Variants in ATG14 observed in about 807,000 individuals in gnomAD.
ATG14 encodes the protein beclin 1-associated autophagy-related key regulator.
In ATG14, 35 loss-of-function variants were observed where a neutral mutation model predicts 60.4. The ratio of observed to expected loss-of-function variants is 0.58; its 90% confidence interval spans 0.44 to 0.77. The LOEUF is 0.77. ATG14 is among the 30% of genes least tolerant of loss of function. The pLI, the probability that ATG14 is intolerant of heterozygous loss-of-function variation, is 0.00. For synonymous variants in ATG14, 234 were observed against 228.8 expected (o/e 1.02, Z -0.21); for missense variants, 647 against 626.3 (o/e 1.03, Z -0.35).
chr14:55,400,749 A>C (rs1417244927), intron 1 of ATG14, among the ~76,000 whole-genome samples: 2 of 151,962 alleles, frequency 1.3e-5, no homozygotes, highest in African/African-American at 2.4e-5. Flanking sequence ...CTAAAAATAC[A>C]AAAAATTAGC....
intron 9 of ATG14, among the ~76,000 whole-genome samples, chr14:55,377,123 G>A (rs1012591649): frequency 1.2e-4 from 19 of 152,300 alleles, no homozygotes; most frequent in African/African-American, 4.3e-4. Flanking sequence ...GAAGCGGGTG[G>A]ATCACCAGAG....
intron 6 of ATG14, among the ~76,000 whole-genome samples, chr14:55,381,617 A>G (rs1885035058): frequency 6.6e-6 from 1 of 152,256 alleles, no homozygotes; most frequent in African/African-American, 2.4e-5. Flanking sequence ...GAATCTTGAA[A>G]ACATTACGCT....
chr14:55,410,403 A>G (rs1432860520), intron 1 of ATG14, among the ~76,000 whole-genome samples: 1 of 152,204 alleles, frequency 6.6e-6, no homozygotes. Context: ...AGACATTTCC[A>G]TCTCATACCC....
Position 55,394,859 on chromosome 14 carries a change from C to A in ATG14, c.327+1081G>T, listed in dbSNP as rs959015492. 31 of 337,978 alleles carry A rather than the reference C, an allele frequency of 9.2e-5. 1 individual carries two copies. The highest frequency in any genetic ancestry group is 3.5e-4 in the African/African-American group (16 of 45,896). The allele number at this position is 337,978 out of a possible 1,614,324, so 20.9% of individuals were successfully genotyped here. On this transcript the variant is annotated intron_variant, in intron 3 of 9. Coordinates refer to ENST00000247178, the MANE Select transcript of ATG14 (RefSeq NM_014924.5). ...CAACTACGGAATGCTAAGCTGACAC[C>A]CAAGACAGTAAAAGCCTCCCACTAC...
intron 3 of ATG14, among the ~76,000 whole-genome samples, chr14:55,393,290 C>T (rs1432580870): frequency 6.6e-6 from 1 of 151,748 alleles, no homozygotes; most frequent in African/African-American, 2.4e-5. Context: ...GAGGCTGAGG[C>T]AGGAGAATGG....
At chr14:55,392,745 A>G (rs1566582678) in intron 3 of ATG14, among the ~76,000 whole-genome samples, 1 of 152,290 alleles carries the variant, frequency 6.6e-6, no homozygotes, top group East Asian at 1.9e-4. Flanking sequence ...AGCTTAAAAC[A>G]ATGCTCAAAT....
chr14:55,395,590 A>AGATG (rs1885300913), intron 3 of ATG14, among the ~76,000 whole-genome samples: 1 of 152,254 alleles, frequency 6.6e-6, no homozygotes, highest in African/African-American at 2.4e-5. Flanking sequence ...CCCCACTCCA[A>AGATG]GATTATGTAA....
chr14:55,394,681 C>G (rs1885283431), intron 3 of ATG14, among the ~76,000 whole-genome samples: 1 of 152,184 alleles, frequency 6.6e-6, no homozygotes, highest in African/African-American at 2.4e-5. Context: ...GGAGAGCCAT[C>G]ATCAAGGAGC....
Position 55,411,761 on chromosome 14 carries a change from G to A in ATG14, c.62C>T (p.Pro21Leu). The change falls in exon 1 of 10, where the codon CCG becomes CTG. Residue 21 changes from proline to leucine, a missense_variant. Physicochemically the swap from Pro to Leu is moderately conservative, Grantham distance 98. Coordinates refer to ENST00000247178, the MANE Select transcript of ATG14 (RefSeq NM_014924.5). The stretch of plus-strand genomic sequence containing the variant: ...GGAGTCCACCAGGTCCCGGGCGAGC[G>A]GCCGGGGCCCGCAGCCAGGAGCCTC... ...ALEAPGCGPRPLARDLVDSVD... is the reference protein window; with the variant it reads ...ALEAPGCGPRLLARDLVDSVD... The A allele has an allele frequency of 6.2e-7, 1 of 1,606,898 alleles. No homozygotes were observed. The highest frequency in any genetic ancestry group is 8.5e-7 in the Non-Finnish European group (1 of 1,177,264).
At chr14:55,409,629 C>A (rs983935439) in intron 1 of ATG14, among the ~76,000 whole-genome samples, 2 of 151,770 alleles carry the variant, frequency 1.3e-5, no homozygotes, top group East Asian at 3.9e-4. Flanking sequence ...GTCTAAATAC[C>A]ACTGCGAAGG....
intron 1 of ATG14, among the ~76,000 whole-genome samples, chr14:55,408,559 C>T (rs1885524094): frequency 6.6e-6 from 1 of 152,144 alleles, no homozygotes; most frequent in Non-Finnish European, 1.5e-5. Flanking sequence ...ACTGCTCAGC[C>T]CACAGGTTCG....
At chr14:55,374,107 T>G (rs1884874702) in intron 9 of ATG14, among the ~76,000 whole-genome samples, 1 of 152,258 alleles carries the variant, frequency 6.6e-6, no homozygotes. Context: ...CTTTTTTCCC[T>G]CAACTACCAG....
intron 9 of ATG14, among the ~76,000 whole-genome samples, chr14:55,375,490 A>AATTTT (rs1555341540): frequency 1.6e-3 from 192 of 117,772 alleles, no homozygotes; most frequent in Non-Finnish European, 2.1e-3. Context: ...GCCGGGCTAA[A>AATTTT]TTTTTTTTTT....
At chr14:55,385,544 C>G (rs537879381) in intron 5 of ATG14, among the ~76,000 whole-genome samples, 2 of 152,172 alleles carry the variant, frequency 1.3e-5, no homozygotes, top group African/African-American at 2.4e-5. Flanking sequence ...TCGCCTGCCT[C>G]GGCCTCCCAA....
chr14:55,397,096 T>C (rs1885325647), intron 2 of ATG14, among the ~76,000 whole-genome samples: 1 of 152,212 alleles, frequency 6.6e-6, no homozygotes, highest in African/African-American at 2.4e-5. Context: ...TCATGCTGAC[T>C]GTCCTGGACC....
chr14:55,393,156 C>A (rs7143817), intron 3 of ATG14, among the ~76,000 whole-genome samples: 5 of 151,978 alleles, frequency 3.3e-5, no homozygotes, highest in Admixed American at 2.6e-4. Flanking sequence ...CCAAGGTGGG[C>A]GGATCACGAG....
At chr14:55,372,108 T>A (rs76997592) in intron 9 of ATG14, among the ~76,000 whole-genome samples, 1 of 152,180 alleles carries the variant, frequency 6.6e-6, no homozygotes, top group South Asian at 2.1e-4. Context: ...TATCCTCTGG[T>A]TACTAAACCC....
At chr14:55,407,946 G>A (rs956776674) in intron 1 of ATG14, among the ~76,000 whole-genome samples, 17 of 152,096 alleles carry the variant, frequency 1.1e-4, no homozygotes, top group Non-Finnish European at 1.6e-4. Flanking sequence ...AAGCCCCATT[G>A]GTGGAAGTTT....
rs75291779 is a variant in ATG14 at position 55,368,110 on chromosome 14, T to TAAA, written c.*1506_*1508dup. On this transcript the variant is annotated 3_prime_UTR_variant, in exon 10 of 10. Coordinates refer to ENST00000247178, the MANE Select transcript of ATG14 (RefSeq NM_014924.5). The stretch of plus-strand genomic sequence containing the variant: ...AGGATTTTTTTGCAGTTATTAAAAA[T>TAAA]AAACTACTTACATATTTGTACATAA... The TAAA allele has an allele frequency of 0.36, 54,851 of 152,390 alleles. 10,476 individuals are homozygous for TAAA. The highest frequency in any genetic ancestry group is 0.42 in the Non-Finnish European group (28,260 of 67,912). 9.4% of individuals were successfully genotyped at this position (152,390 alleles called of 1,614,324 possible). A position where few individuals can be genotyped will look rare whatever the true frequency, so the allele number is the denominator to read the frequency against.
Sources: allele counts gnomAD v4.1 joint callset (sites outside exome capture counted in the v4.1 genomes callset), GRCh38; gene constraint gnomAD v4.1.1; transcripts MANE v1.5; gene names NCBI Gene and HGNC (gene_info 2026-07-23, HGNC 2026-07-21).